MUC4: variants seen among roughly 807,000 people sequenced by gnomAD.
The protein encoded by MUC4 is mucin-4.
A neutral mutation model predicts 257.9 loss-of-function variants in MUC4; 202 were observed. The observed-to-expected ratio is 0.78, with a 90% CI of 0.70 to 0.88. The LOEUF (loss-of-function observed/expected upper bound fraction) is 0.88, where lower values mean the gene tolerates loss of function less well. Among genes scored for constraint, MUC4 ranks in the 40% least tolerant of loss-of-function variants. MUC4 has a pLI of 0.00. For synonymous variants in MUC4, 2,351 were observed against 2,757.1 expected, an observed-to-expected ratio of 0.85 and a Z score of 4.62; for missense variants, 5,976 against 6,513.7, an observed-to-expected ratio of 0.92 and a Z score of 2.84.
intron 7 of MUC4, among the ~76,000 whole-genome samples, chr3:195,767,371 A>G (rs1217900518): frequency 6.6e-6 from 1 of 151,644 alleles, no homozygotes; most frequent in Non-Finnish European, 1.5e-5. Context: ...TACCACCACC[A>G]CCACCATCGC....
intron 7 of MUC4, among the ~76,000 whole-genome samples, chr3:195,768,330 C>G (rs920310143): frequency 3.3e-5 from 5 of 152,180 alleles, no homozygotes; most frequent in African/African-American, 7.2e-5. Flanking sequence ...ATTGCCACAC[C>G]CCAGCATATG....
Position 195,752,929 on chromosome 3 carries a change from T to C in MUC4, c.15508+122A>G, listed in dbSNP as rs562050306. Reference sequence around the variant, plus strand: ...CACCTTACACCATCCCAGAGAAATCTGGAGCTCTGTCCTGTGACCCCAGAG... The same window carrying C: ...CACCTTACACCATCCCAGAGAAATCCGGAGCTCTGTCCTGTGACCCCAGAG... On this transcript the variant is annotated intron_variant, in intron 20 of 24. Coordinates refer to ENST00000463781, the MANE Select transcript of MUC4 (RefSeq NM_018406.7). 21 of 922,126 alleles carry C rather than the reference T, an allele frequency of 2.3e-5. No homozygotes were observed. In the South Asian group the frequency reaches 3.2e-4, roughly 14 times the overall value. The allele number at this position is 922,126 out of a possible 1,614,324, so 57.1% of individuals were successfully genotyped here.
intron 16 of MUC4, 70 bp downstream of exon 16, chr3:195,760,814 G>A (rs1577991210): frequency 7.8e-7 from 1 of 1,274,822 alleles, no homozygotes. Flanking sequence ...GGAAAAGCAG[G>A]GTCAGGCAAG....
rs780762545 is a variant in MUC4, at chr3:195,780,126, GGATACTGAGGAAAGGCTGGT to G, written c.11434_11453del (p.Thr3812HisfsTer3). On this transcript the variant is annotated frameshift_variant, in exon 2 of 25. Coordinates refer to ENST00000463781, the MANE Select transcript of MUC4 (RefSeq NM_018406.7). LOFTEE classifies it high-confidence loss of function. ...CAGGAAGAGGGGTGGTGTCACCTGT[GGATACTGAGGAAAGGCTGGT>G]GACAGGAAGAGGGGTGGCCTGACCT... The G allele has an allele frequency of 3.9e-5, 58 of 1,472,882 alleles. No individual in the cohort carries two copies. In the African/African-American group the frequency reaches 7.5e-4, roughly 19 times the overall value. The allele number at this position is 1,472,882 out of a possible 1,614,324, so 91.2% of individuals were successfully genotyped here. A position where few individuals can be genotyped will look rare whatever the true frequency, so the allele number is the denominator to read the frequency against.
At chr3:195,795,107 G>A (rs1734409543) in intron 1 of MUC4, among the ~76,000 whole-genome samples, 1 of 152,142 alleles carries the variant, frequency 6.6e-6, no homozygotes, top group East Asian at 1.9e-4. Context: ...GCAAAACTTG[G>A]TTTCTCCAAA....
At chr3:195,794,906 C>T (rs958116661) in intron 1 of MUC4, among the ~76,000 whole-genome samples, 1 of 152,222 alleles carries the variant, frequency 6.6e-6, no homozygotes, top group African/African-American at 2.4e-5. Flanking sequence ...TTACTGGTGA[C>T]ACACTTGTAA....
Position 195,750,996 on chromosome 3 carries a change from G to A in MUC4, c.15764C>T (p.Ala5255Val), listed in dbSNP as rs137940766. The A allele has an allele frequency of 5.5e-5, 89 of 1,613,914 alleles. No individual in the cohort carries two copies. Among genetic ancestry groups the A allele is most frequent in the Non-Finnish European group, 6.5e-5 (77 of 1,180,008 alleles). The change falls in exon 23 of 25, where the codon GCG (alanine) becomes GTG (valine). Residue 5255 changes from alanine to valine, a missense_variant. Physicochemically the swap from Ala to Val is moderately conservative, Grantham distance 64. Transcript: ENST00000463781. The part of the protein sequence containing the change: ...IDFLNNQLLA[A>V]VVEAFLYHVP... ...GTGGTATAAGAACGCCTCCACCACC[G>A]CGGCCAGCAGCTGGTTGTTCAGGAA...
At position 195,746,999 on chromosome 3, in the gene MUC4, C is replaced by G. The variant is rs1715162454; in HGVS notation, c.*177G>C. ...TTGATCTTTATGGCCTCCCCCTGTG[C>G]ACCTGCGCCTATGGATAAGGTATAG... is the stretch of plus-strand genomic sequence containing the variant. On this transcript the variant is annotated 3_prime_UTR_variant, in exon 25 of 25. Coordinates refer to ENST00000463781, the MANE Select transcript of MUC4 (RefSeq NM_018406.7). 6 of 904,268 alleles carry G rather than the reference C, an allele frequency of 6.6e-6. No individual in the cohort carries two copies. Among genetic ancestry groups the G allele is most frequent in the Middle Eastern group, 2.8e-4 (1 of 3,600 alleles). 56.0% of individuals were successfully genotyped at this position (904,268 alleles called of 1,614,324 possible).
rs1172390518 is a variant in MUC4 at position 195,776,037 on chromosome 3, C to T, written c.12944-1732G>A. Among the ~76,000 whole-genome samples, 2 of 39,772 alleles carry T rather than the reference C, an allele frequency of 5.0e-5. 1 individual carries two copies. The highest frequency in any genetic ancestry group is 9.0e-5 in the Non-Finnish European group (2 of 22,104). 26.1% of individuals were successfully genotyped at this position (39,772 alleles called of 152,430 possible). ...ATACCTTCCACATCCATACCTTCCA[C>T]GGCCATAACTTCCACACCCATACCT... On this transcript the variant is annotated intron_variant, in intron 3 of 24. Coordinates refer to ENST00000463781, the MANE Select transcript of MUC4 (RefSeq NM_018406.7).
rs1736788407 is a variant in MUC4 at position 195,811,823 on chromosome 3, CG to C, written c.-7del. On this transcript the variant is annotated 5_prime_UTR_variant, in exon 1 of 25. Coordinates refer to ENST00000463781, the MANE Select transcript of MUC4 (RefSeq NM_018406.7). ...CTCCAGCGTGCCCCCTTCATGGCTGCGGCAAAAGTCCCCCTGGCTCCCTGGG... is the reference window on the plus strand; with the variant it reads ...CTCCAGCGTGCCCCCTTCATGGCTGCGCAAAAGTCCCCCTGGCTCCCTGGG... 6.2e-7 allele frequency: 1 copy of C among 1,613,228 alleles called. No homozygotes were observed. The highest frequency in any genetic ancestry group is 8.5e-7 in the Non-Finnish European group (1 of 1,179,674).
rs892318860 is a variant in MUC4, at chr3:195,774,113, G to T, written c.13077+59C>A. 5.2e-6 allele frequency: 8 copies of T among 1,526,600 alleles called. No homozygotes were observed. In the East Asian group the frequency reaches 1.5e-4, roughly 29 times the overall value. 94.6% of individuals were successfully genotyped at this position (1,526,600 alleles called of 1,614,324 possible). A position where few individuals can be genotyped will look rare whatever the true frequency, so the allele number is the denominator to read the frequency against. On this transcript the variant is annotated intron_variant, in intron 4 of 24. Transcript: ENST00000463781. ...CGCTTCCTCTGGGTTCCGTCTCGAA[G>T]CAGGAGAGAGAAGTGGGCCCTGGGA...
chr3:195,765,172 G>A lies in MUC4; in HGVS notation c.13799-50C>T, dbSNP rs201925575. The A allele has an allele frequency of 2.5e-4, 404 of 1,589,654 alleles. No homozygotes were observed. In the African/African-American group the frequency reaches 3.0e-3, roughly 12 times the overall value. On this transcript the variant is annotated intron_variant, in intron 9 of 24. Transcript: ENST00000463781. Reference sequence around the variant, plus strand: ...GGCCCAGGCTGGGGCTGCCAGGGGCGGGGTGGGAACAAGCAGGGGCTGTTT... The same window carrying A: ...GGCCCAGGCTGGGGCTGCCAGGGGCAGGGTGGGAACAAGCAGGGGCTGTTT...
At chr3:195,775,268 T>C (rs1213188170) in intron 3 of MUC4, among the ~76,000 whole-genome samples, 1 of 152,054 alleles carries the variant, frequency 6.6e-6, no homozygotes, top group South Asian at 2.1e-4. Flanking sequence ...ATTCCCCGCA[T>C]GCCGGCCGCA....
chr3:195,804,797 G>A (rs1037536777), intron 1 of MUC4, among the ~76,000 whole-genome samples: 6 of 152,258 alleles, frequency 3.9e-5, no homozygotes, highest in African/African-American at 1.2e-4. Flanking sequence ...TTGGCAGGGA[G>A]CTAATGCTAT....
chr3:195,778,755 C>G lies in MUC4; in HGVS notation c.12790+35G>C. 2.0e-5 allele frequency: 31 copies of G among 1,572,444 alleles called. 1 individual carries two copies. Among genetic ancestry groups the G allele is most frequent in the Non-Finnish European group, 2.7e-5 (31 of 1,155,156 alleles). On this transcript the variant is annotated intron_variant, in intron 2 of 24. Transcript: ENST00000463781. ...AGGCTGAATTCCGCCAAGGGGCCCA[C>G]TGGGAGACATAAAGGCGAGGCAGTT...
intron 1 of MUC4, among the ~76,000 whole-genome samples, chr3:195,794,730 G>T (rs1406365245): frequency 6.6e-6 from 1 of 152,184 alleles, no homozygotes; most frequent in African/African-American, 2.4e-5. Context: ...TCTCAGGGAA[G>T]AATTCAGCTT....
rs79034632 is a variant in MUC4, at chr3:195,785,822, A to G, written c.5758T>C (p.Ser1920Pro). Residue 1920 changes from serine (S) to proline (P), a missense_variant, in exon 2 of 25, where the codon TCT becomes CCT. Around this residue, in one of 44 missense-constraint regions of MUC4, gnomAD observed 87 missense variants for 104.6 expected, o/e 0.83. Coordinates refer to ENST00000463781, the MANE Select transcript of MUC4 (RefSeq NM_018406.7). Reference sequence around the variant, plus strand: ...GAGGAAAGGCTGGTGACAGGAAGAGAGGTGGCGTGACCTGTGGATACTGAG... The same window carrying G: ...GAGGAAAGGCTGGTGACAGGAAGAGGGGTGGCGTGACCTGTGGATACTGAG... ...ASSVSTGHATSLPVTSLSSAS... is the reference protein window; with the variant it reads ...ASSVSTGHATPLPVTSLSSAS... 34,880 of 1,226,124 alleles carry G rather than the reference A, an allele frequency of 0.028. 5,060 individuals are homozygous for G. The African/African-American group carries it at 0.35, about 12-fold the overall frequency. The allele number at this position is 1,226,124 out of a possible 1,614,324, so 76.0% of individuals were successfully genotyped here.
At position 195,782,746 on chromosome 3, in the gene MUC4, A is replaced by G. The variant is rs1222592543; in HGVS notation, c.8834T>C (p.Leu2945Pro). The G allele has an allele frequency of 1.3e-6, 2 of 1,532,298 alleles. No homozygotes were observed. The highest frequency in any genetic ancestry group is 1.4e-5 in the African/African-American group (1 of 71,604). The allele number at this position is 1,532,298 out of a possible 1,614,324, so 94.9% of individuals were successfully genotyped here. ...SSVSTGDTTPLPVTDTSSAST... is the reference protein window; with the variant it reads ...SSVSTGDTTPPPVTDTSSAST... ...TGCTGAGGAAGTGTCGGTGACAGGAAGAGGGGTGGTGTCACCTGTGGATAC... is the reference window on the plus strand; with the variant it reads ...TGCTGAGGAAGTGTCGGTGACAGGAGGAGGGGTGGTGTCACCTGTGGATAC... Residue 2945 changes from leucine to proline, a missense_variant, in exon 2 of 25, where the codon CTT becomes CCT. By Grantham distance (98) the Leu-to-Pro change is moderately conservative. Coordinates refer to ENST00000463781, the MANE Select transcript of MUC4 (RefSeq NM_018406.7).
rs543775911 is a variant in MUC4, at chr3:195,805,546, C to T, written c.82+6190G>A. Among the ~76,000 whole-genome samples the T allele has an allele frequency of 4.9e-4, 74 of 152,318 alleles. 2 individuals carry two copies. Among genetic ancestry groups the T allele is most frequent in the African/African-American group, 1.2e-3 (48 of 41,574 alleles). Reference sequence around the variant, plus strand: ...TGGCTGCCTCTCCACAGTGGTTAGCCTCGGGCTGTCCTGGTGTGGTGGTGT... The same window carrying T: ...TGGCTGCCTCTCCACAGTGGTTAGCTTCGGGCTGTCCTGGTGTGGTGGTGT... On this transcript the variant is annotated intron_variant, in intron 1 of 24. Transcript: ENST00000463781.
Sources: allele counts gnomAD v4.1 joint callset (sites outside exome capture counted in the v4.1 genomes callset), GRCh38; gene constraint gnomAD v4.1.1; regional missense constraint gnomAD v4.1.1; transcripts MANE v1.5; gene names NCBI Gene and HGNC (gene_info 2026-07-23, HGNC 2026-07-21).